DHX8: variants seen among roughly 807,000 people sequenced by gnomAD.
DHX8 encodes ATP-dependent RNA helicase DHX8.
A neutral mutation model predicts 140.7 loss-of-function variants in DHX8; 67 were observed. That is an observed-to-expected ratio of 0.48 (90% CI 0.39 to 0.58). The LOEUF (loss-of-function observed/expected upper bound fraction) is 0.58. DHX8 is among the 20% of genes least tolerant of loss of function. DHX8 has a pLI of 0.00. For synonymous variants in DHX8, 533 were observed against 553.2 expected (o/e 0.96, Z 0.51); for missense variants, 887 against 1,550.7 (o/e 0.57, Z 7.19).
intron 1 of DHX8, among the ~76,000 whole-genome samples, chr17:43,485,508 A>G (rs754520480): frequency 6.6e-6 from 1 of 152,064 alleles, no homozygotes; most frequent in African/African-American, 2.4e-5. Flanking sequence ...CTTTTCCCGC[A>G]GGATTCTTCT....
chr17:43,529,123 C>T (rs1970745698), downstream of DHX8: 2 of 1,613,612 alleles, frequency 1.2e-6, no homozygotes, highest in Non-Finnish European at 1.7e-6. Context: ...TCCCTAGACC[C>T]ACAGCCCCCA....
chr17:43,526,623 C>T, downstream of DHX8: 1 of 1,535,254 alleles, frequency 6.5e-7, no homozygotes, highest in Non-Finnish European at 8.7e-7. Context: ...GGCAGAGGGC[C>T]ATCATCTCAG....
At position 43,493,486 on chromosome 17, in the gene DHX8, G is replaced by C. The variant is rs766988080; in HGVS notation, c.905G>C (p.Arg302Pro). Residue 302 changes from arginine (R) to proline (P), a missense_variant, in exon 7 of 23, where the codon CGG (arginine) becomes CCG (proline). Transcript: ENST00000262415. ...CTGGTGCACATCTCTGAGCTCCGGC[G>C]GGAGGGTCGTGTGGCCAATGTAGCT... is the stretch of plus-strand genomic sequence containing the variant. Reference protein sequence around the residue: ...EGLVHISELRREGRVANVADV... With the variant: ...EGLVHISELRPEGRVANVADV... 2 of 1,614,188 alleles carry C rather than the reference G, an allele frequency of 1.2e-6. No individual in the cohort carries two copies. The highest frequency in any genetic ancestry group is 1.7e-6 in the Non-Finnish European group (2 of 1,180,020).
Position 43,524,639 on chromosome 17 carries a change from G to A in DHX8, c.*792G>A. 1.2e-5 allele frequency: 12 copies of A among 985,458 alleles called. No individual in the cohort carries two copies. Among genetic ancestry groups the A allele is most frequent in the Non-Finnish European group, 1.4e-5 (12 of 829,970 alleles). 61.0% of individuals were successfully genotyped at this position (985,458 alleles called of 1,614,324 possible). A position where few individuals can be genotyped will look rare whatever the true frequency, so the allele number is the denominator to read the frequency against. ...TATTAAATACAGAAGGTTTCCCCTT[G>A]CTCCCTCCACCTCCCACATTCGCAA... On this transcript the variant is annotated 3_prime_UTR_variant, in exon 23 of 23. Coordinates refer to ENST00000262415, the MANE Select transcript of DHX8 (RefSeq NM_004941.3).
Position 43,496,250 on chromosome 17 carries a change from A to G in DHX8, c.1282A>G (p.Lys428Glu). The G allele has an allele frequency of 6.2e-7, 1 of 1,613,356 alleles. No individual in the cohort carries two copies. Among genetic ancestry groups the G allele is most frequent in the South Asian group, 1.1e-5 (1 of 90,976 alleles). ...DFDEETGILP[K>E]VDDEEDEDLE... ...TGATGAAGAGACTGGCATTCTCCCT[A>G]AGGTGGATGATGAAGAAGGTAACTA... Residue 428 changes from lysine to glutamate, a missense_variant, in exon 9 of 23, where the codon AAG becomes GAG. Around this residue, in one of 9 missense-constraint regions of DHX8, gnomAD observed 178 missense variants for 398.5 expected, o/e 0.45. Transcript: ENST00000262415.
chr17:43,529,278 A>C, downstream of DHX8: 2 of 1,597,846 alleles, frequency 1.3e-6, no homozygotes, highest in Non-Finnish European at 1.7e-6. Context: ...CTACCTTGGC[A>C]GAGGAAAAAA....
At chr17:43,541,822 C>G (rs1971538985) in intron 3 of DHX8, among the ~76,000 whole-genome samples, 1 of 152,010 alleles carries the variant, frequency 6.6e-6, no homozygotes, top group South Asian at 2.1e-4. Context: ...ATATTTGTCC[C>G]CAAGAGTCTT....
Position 43,521,438 on chromosome 17 carries a change from C to T in DHX8, c.3136C>T (p.Leu1046=), listed in dbSNP as rs1402475324. 1 of 1,613,908 alleles carries T rather than the reference C, an allele frequency of 6.2e-7. No individual in the cohort carries two copies. The highest frequency in any genetic ancestry group is 1.7e-5 in the Admixed American group (1 of 59,984). The part of the protein sequence containing the change: ...HQTEGDHLTL[L]AVYNSWKNNK... Reference sequence around the variant, plus strand: ...GACTGAAGGGGACCACCTCACCCTGCTAGCTGTGTACAACTCCTGGAAGAA... The same window carrying T: ...GACTGAAGGGGACCACCTCACCCTGTTAGCTGTGTACAACTCCTGGAAGAA... The change falls in exon 21 of 23, where the codon CTA becomes TTA. Residue 1046 remains leucine, a synonymous_variant. Transcript: ENST00000262415.
rs374580870 is a variant in DHX8 at position 43,507,014 on chromosome 17, C to T, written c.1740C>T (p.Asp580=). 59 of 1,600,126 alleles carry T rather than the reference C, an allele frequency of 3.7e-5. No individual in the cohort carries two copies. The highest frequency in any genetic ancestry group is 1.7e-4 in the Middle Eastern group (1 of 5,918). The change falls in exon 13 of 23, where the codon GAC becomes GAT. Residue 580 remains aspartate (D), a synonymous_variant. Transcript: ENST00000262415. ...LKEQLVQAVH[D]NQILIVIGET... ...TCTGTTGCTTTCAGGCCGTCCATGA[C>T]AATCAGATCCTGATTGTCATTGGTG... is the stretch of plus-strand genomic sequence containing the variant.
chr17:43,522,341 T>A, intron 22 of DHX8, 115 bp downstream of exon 22: 1 of 1,031,628 alleles, frequency 9.7e-7, no homozygotes, highest in Non-Finnish European at 1.4e-6. Context: ...AGTATAACAC[T>A]GCTTGCCTTT....
chr17:43,488,046 G>C (rs1223168762), intron 1 of DHX8, among the ~76,000 whole-genome samples: 1 of 152,098 alleles, frequency 6.6e-6, no homozygotes, highest in South Asian at 2.1e-4. Flanking sequence ...TTGGGAGGCC[G>C]AGGCAGGCAA....
At chr17:43,536,897 T>C (rs1281810021) in intron 3 of DHX8, among the ~76,000 whole-genome samples, 2 of 152,248 alleles carry the variant, frequency 1.3e-5, no homozygotes, top group African/African-American at 2.4e-5. Flanking sequence ...TCTCAGAACC[T>C]GTCTGAGCAG....
At chr17:43,504,958 A>G in intron 12 of DHX8, 133 bp downstream of exon 12, 1 of 870,482 alleles carries the variant, frequency 1.1e-6, no homozygotes, top group Non-Finnish European at 1.7e-6. Flanking sequence ...GTTAAGAAAG[A>G]AGGATAAAAC....
intron 1 of DHX8, among the ~76,000 whole-genome samples, chr17:43,488,472 G>A (rs1350832869): frequency 6.7e-6 from 1 of 150,090 alleles, no homozygotes; most frequent in African/African-American, 2.5e-5. Context: ...TTAGCCAGGC[G>A]TGGTGGTGGG....
chr17:43,518,543 T>A (rs962003349), intron 18 of DHX8: 7 of 152,086 alleles, frequency 4.6e-5, no homozygotes, highest in Non-Finnish European at 1.0e-4. Context: ...AGAAATGATG[T>A]ATGCAAGAGA....
At chr17:43,532,546 AG>A in intron 2 of DHX8, 1 of 852,628 alleles carries the variant, frequency 1.2e-6, no homozygotes, top group Non-Finnish European at 1.8e-6. Context: ...GAAATTATGA[AG>A]AAAAAAAGTG....
At chr17:43,498,139 TG>T (rs59097098) in intron 9 of DHX8, among the ~76,000 whole-genome samples, 86 of 146,692 alleles carry the variant, frequency 5.9e-4, no homozygotes, top group Non-Finnish European at 8.3e-4. Context: ...CCTGGGAAGG[TG>T]TTTTTTTTTT....
chr17:43,492,591 C>T, intron 5 of DHX8, 90 bp from the exon 6 acceptor site: 1 of 743,480 alleles, frequency 1.3e-6, no homozygotes, highest in Non-Finnish European at 2.3e-6. Context: ...GGGTACCTAC[C>T]ATGTGCATGG....
intron 17 of DHX8, 58 bp downstream of exon 17, chr17:43,513,560 C>T (rs9893137): frequency 0.25 from 388,782 of 1,564,954 alleles, 49,370 homozygotes; most frequent in East Asian, 0.36. Flanking sequence ...CTTTCTGAAA[C>T]TTTTTTATGG....
Sources: allele counts gnomAD v4.1 joint callset (sites outside exome capture counted in the v4.1 genomes callset), GRCh38; gene constraint gnomAD v4.1.1; regional missense constraint gnomAD v4.1.1; transcripts MANE v1.5; gene names NCBI Gene and HGNC (gene_info 2026-07-23, HGNC 2026-07-21).